PVT1: variants seen among roughly 807,000 people sequenced by gnomAD.
PVT1 encodes Pvt1 oncogene, also known as CXCR4/PVT1 fusion.
Position 128,079,914 on chromosome 8 carries a change from CAG to C in PVT1, n.1114+9554_1114+9555del, listed in dbSNP as rs1257686454. Reference sequence around the variant, plus strand: ...TAATTTTTTGTATTTTTAGTAGAGACAGGGTTTCACCATGGTAGCCAGGATGG... The same window carrying C: ...TAATTTTTTGTATTTTTAGTAGAGACGGTTTCACCATGGTAGCCAGGATGG... On this transcript the variant is annotated intron_variant and non_coding_transcript_variant, in intron 5 of 10. Coordinates refer to ENST00000651587, the Ensembl canonical transcript of PVT1. Among the ~76,000 whole-genome samples the C allele has an allele frequency of 5.9e-5, 9 of 152,186 alleles. No homozygotes were observed. The East Asian group carries it at 1.5e-3, about 26-fold the overall frequency.
chr8:128,060,577 A>G (rs1399512727), intron 4 of PVT1, among the ~76,000 whole-genome samples: 2 of 152,234 alleles, frequency 1.3e-5, no homozygotes, highest in South Asian at 2.1e-4. Context: ...ACAACTCCTC[A>G]ACCTTCTCAT....
At chr8:128,074,718 C>T (rs185038229) in intron 5 of PVT1, among the ~76,000 whole-genome samples, 1 of 152,232 alleles carries the variant, frequency 6.6e-6, no homozygotes, top group African/African-American at 2.4e-5. Flanking sequence ...GTTAGGATGG[C>T]TAATTATATA....
At chr8:128,061,579 A>C in intron 4 of PVT1, among the ~76,000 whole-genome samples, 1 of 152,202 alleles carries the variant, frequency 6.6e-6, no homozygotes, top group East Asian at 1.9e-4. Flanking sequence ...AGCAACTGCT[A>C]AAGTCTTTTC....
chr8:127,925,106 C>T lies in PVT1; in HGVS notation n.782+34108C>T, dbSNP rs569873392. On this transcript the variant is annotated intron_variant and non_coding_transcript_variant, in intron 3 of 10. Coordinates refer to ENST00000651587, the Ensembl canonical transcript of PVT1. Reference sequence around the variant, plus strand: ...CTAAGAAATTGTTGAGCTACTTGTACTACAAATATACCTATCCTGGAATGG... The same window carrying T: ...CTAAGAAATTGTTGAGCTACTTGTATTACAAATATACCTATCCTGGAATGG... 8.5e-5 allele frequency among the ~76,000 whole-genome samples: 13 copies of T among 152,312 alleles called. No individual in the cohort carries two copies. In the South Asian group the frequency reaches 2.5e-3, roughly 29 times the overall value.
intron 2 of PVT1, among the ~76,000 whole-genome samples, chr8:127,875,856 CCTT>C (rs553503106): frequency 7.3e-4 from 111 of 152,324 alleles, no homozygotes; most frequent in Middle Eastern, 3.4e-3. Flanking sequence ...GTCGTGGGCT[CCTT>C]CTTCTCCCTT....
intron 3 of PVT1, chr8:127,947,859 C>T (rs778315684): frequency 6.6e-6 from 3 of 456,534 alleles, no homozygotes; most frequent in South Asian, 4.6e-5. Flanking sequence ...TTGTGCTATA[C>T]CCTCTTGTAA....
chr8:128,026,706 C>T (rs922787762), intron 4 of PVT1, among the ~76,000 whole-genome samples: 4 of 152,174 alleles, frequency 2.6e-5, no homozygotes, highest in South Asian at 2.1e-4. Context: ...TGATCCTGTT[C>T]GAGAGGCCAG....
chr8:128,015,290 A>G (rs78820749), intron 4 of PVT1, among the ~76,000 whole-genome samples: 24 of 151,878 alleles, frequency 1.6e-4, no homozygotes, highest in Non-Finnish European at 1.5e-4. Context: ...GGTTTTCACT[A>G]TGTTGACCAG....
chr8:128,084,116 C>T (rs1012508568), intron 5 of PVT1, among the ~76,000 whole-genome samples: 3 of 152,146 alleles, frequency 2.0e-5, no homozygotes, highest in African/African-American at 7.2e-5. Context: ...CCTTGGCAGC[C>T]AGGGGATCCT....
intron 2 of PVT1, among the ~76,000 whole-genome samples, chr8:127,796,567 A>G (rs1427170092): frequency 1.3e-5 from 2 of 152,188 alleles, no homozygotes; most frequent in Non-Finnish European, 2.9e-5. Context: ...TGCCTGCCCA[A>G]GATGGACACG....
intron 2 of PVT1, among the ~76,000 whole-genome samples, chr8:127,814,582 G>A (rs1250763167): frequency 6.6e-6 from 1 of 152,216 alleles, no homozygotes; most frequent in African/African-American, 2.4e-5. Context: ...GGACTGACAG[G>A]ATGACCATCC....
intron 2 of PVT1, among the ~76,000 whole-genome samples, chr8:127,878,851 G>T (rs1290850671): frequency 6.6e-6 from 1 of 152,194 alleles, no homozygotes; most frequent in Admixed American, 6.5e-5. Flanking sequence ...CTGCAAGGGG[G>T]TGGGGAGAAG....
At chr8:127,937,580 C>CACACACACACACACACACAGAGAG (rs59006608) in intron 3 of PVT1, among the ~76,000 whole-genome samples, 5 of 107,868 alleles carry the variant, frequency 4.6e-5, no homozygotes, top group African/African-American at 1.9e-4. Flanking sequence ...CACACACACA[C>CACACACACACACACACACAGAGAG]AGAGAGAGAG....
intron 5 of PVT1, among the ~76,000 whole-genome samples, chr8:128,086,251 G>A (rs1204587120): frequency 6.6e-6 from 1 of 152,190 alleles, no homozygotes; most frequent in Non-Finnish European, 1.5e-5. Flanking sequence ...GGGCAGAGGG[G>A]GGTCTAGGCA....
chr8:127,863,173 A>G (rs1167892165), intron 2 of PVT1, among the ~76,000 whole-genome samples: 2 of 151,780 alleles, frequency 1.3e-5, no homozygotes, highest in Non-Finnish European at 2.9e-5. Flanking sequence ...GTGCAGTGGC[A>G]TGATCTCGGC....
intron 3 of PVT1, among the ~76,000 whole-genome samples, chr8:127,941,469 T>G (rs1816348580): frequency 1.3e-5 from 2 of 152,178 alleles, no homozygotes. Context: ...ATGAAGTGAA[T>G]GGAGACACGT....
chr8:127,808,778 C>T (rs571094688), intron 2 of PVT1, among the ~76,000 whole-genome samples: 34 of 151,852 alleles, frequency 2.2e-4, no homozygotes, highest in African/African-American at 8.2e-4. Context: ...GCCTGTAATC[C>T]CAGCACTTTG....
chr8:128,013,972 C>T (rs1337827869), intron 4 of PVT1, among the ~76,000 whole-genome samples: 1 of 152,164 alleles, frequency 6.6e-6, no homozygotes, highest in African/African-American at 2.4e-5. Context: ...TTACAGATTT[C>T]TGGGAACTAT....
rs536340769 is a variant in PVT1, at chr8:127,904,390, C to T, written n.782+13392C>T. On this transcript the variant is annotated intron_variant and non_coding_transcript_variant, in intron 3 of 10. Coordinates refer to ENST00000651587, the Ensembl canonical transcript of PVT1. ...AATGCTGAATTTGACTGCCCCTGGCCCTGCTGTGCAGCACTTTCAGACCCC... is the reference window on the plus strand; with the variant it reads ...AATGCTGAATTTGACTGCCCCTGGCTCTGCTGTGCAGCACTTTCAGACCCC... 7.4e-3 allele frequency among the ~76,000 whole-genome samples: 401 copies of T among 53,956 alleles called. 16 individuals are homozygous for T. The highest frequency in any genetic ancestry group is 0.072 in the Admixed American group (395 of 5,468). 35.4% of individuals were successfully genotyped at this position (53,956 alleles called of 152,430 possible).
Sources: allele counts gnomAD v4.1 joint callset (sites outside exome capture counted in the v4.1 genomes callset), GRCh38; gene constraint gnomAD v4.1.1; transcripts MANE v1.5; gene names NCBI Gene and HGNC (gene_info 2026-07-23, HGNC 2026-07-21).